Variants in TMEM272 observed in about 807,000 individuals in gnomAD.
The protein encoded by TMEM272 is long intergenic non-protein coding RNA 282.
Under a neutral mutation model 3.7 loss-of-function variants are expected in TMEM272, and 8 were observed. The observed-to-expected ratio is 2.17, with a 90% confidence interval of 1.27 to 3.91. The LOEUF is 3.91. Ranked by LOEUF, TMEM272 falls within the 30% of genes most tolerant of loss-of-function variation. The pLI is 0.00. For missense variants in TMEM272, 166 were observed against 91.5 expected (o/e 1.81, Z -3.32); for synonymous variants, 63 against 39.8 (o/e 1.58, Z -2.20).
the TMEM272 span, among the ~76,000 whole-genome samples, chr13:51,898,380 A>C: frequency 6.6e-6 from 1 of 152,024 alleles, no homozygotes; most frequent in Admixed American, 6.6e-5. Flanking sequence ...TTCTATATCT[A>C]CATGCTTTTC....
At chr13:51,866,447 A>T in the TMEM272 span, among the ~76,000 whole-genome samples, 1 of 152,148 alleles carries the variant, frequency 6.6e-6, no homozygotes, top group African/African-American at 2.4e-5. Flanking sequence ...AGGGACAGAG[A>T]GGAGCTGAGA....
At chr13:51,877,635 TA>T in the TMEM272 span, among the ~76,000 whole-genome samples, 2 of 152,284 alleles carry the variant, frequency 1.3e-5, no homozygotes, top group African/African-American at 4.8e-5. Flanking sequence ...CTGATGTGTC[TA>T]AATTGACAAT....
the TMEM272 span, chr13:51,908,507 C>G: frequency 2.7e-6 from 4 of 1,480,230 alleles, no homozygotes; most frequent in Admixed American, 1.7e-5. Context: ...ACGGGCCCCT[C>G]GTATCCACTG....
the TMEM272 span, among the ~76,000 whole-genome samples, chr13:51,871,788 AC>A: frequency 3.5e-4 from 1 of 2,828 alleles, no homozygotes; most frequent in Non-Finnish European, 1.1e-3. Flanking sequence ...CTCCCCCTAC[AC>A]ACACACACAC....
upstream of TMEM272, among the ~76,000 whole-genome samples, chr13:51,848,385 T>C (rs753772712): frequency 6.6e-5 from 10 of 152,156 alleles, no homozygotes; most frequent in Non-Finnish European, 1.3e-4. Flanking sequence ...CACTCCACTA[T>C]TGCCATATGA....
the TMEM272 span, among the ~76,000 whole-genome samples, chr13:51,862,600 T>C: frequency 1.3e-5 from 2 of 152,040 alleles, no homozygotes; most frequent in African/African-American, 2.4e-5. Flanking sequence ...ATGCCAGACA[T>C]AGAGATGGAA....
chr13:51,909,050 A>C, the TMEM272 span: 1 of 1,480,008 alleles, frequency 6.8e-7, no homozygotes, highest in South Asian at 1.1e-5. Context: ...TTTCAGATGA[A>C]GGCCGACCCA....
chr13:51,882,743 A>G, the TMEM272 span, among the ~76,000 whole-genome samples: 5 of 151,518 alleles, frequency 3.3e-5, no homozygotes, highest in African/African-American at 1.2e-4. Context: ...TAAATATAAT[A>G]AAAATAAATA....
the TMEM272 span, among the ~76,000 whole-genome samples, chr13:51,872,579 A>G: frequency 3.9e-5 from 6 of 152,256 alleles, no homozygotes; most frequent in Non-Finnish European, 8.8e-5. Context: ...GTGGATGAAA[A>G]CAGATCCAAC....
At chr13:51,900,182 C>T in the TMEM272 span, among the ~76,000 whole-genome samples, 1 of 152,018 alleles carries the variant, frequency 6.6e-6, no homozygotes, top group Non-Finnish European at 1.5e-5. Context: ...TGGTTTAAAG[C>T]ACATAATCAA....
the TMEM272 span, chr13:51,908,684 A>T: frequency 6.8e-7 from 1 of 1,475,714 alleles, no homozygotes; most frequent in Non-Finnish European, 9.5e-7. Flanking sequence ...CATCCATTTT[A>T]TCCAAAGAAG....
At chr13:51,872,832 A>C in the TMEM272 span, among the ~76,000 whole-genome samples, 167 of 152,368 alleles carry the variant, frequency 1.1e-3, no homozygotes, top group African/African-American at 3.8e-3. Flanking sequence ...ATGATTTTCA[A>C]CTCCAAGTTT....
chr13:51,853,637 A>G, the TMEM272 span, among the ~76,000 whole-genome samples: 1 of 152,182 alleles, frequency 6.6e-6, no homozygotes, highest in Non-Finnish European at 1.5e-5. Context: ...CAACCATAAT[A>G]TATCCCTAAT....
chr13:51,903,942 C>CATGTGTGTGTGTGTGTGT, the TMEM272 span, among the ~76,000 whole-genome samples: 2 of 136,552 alleles, frequency 1.5e-5, no homozygotes, highest in Non-Finnish European at 3.1e-5. Context: ...CAGTCTTCCA[C>CATGTGTGTGTGTGTGTGT]GTGTGTGTGT....
the TMEM272 span, among the ~76,000 whole-genome samples, chr13:51,884,968 C>T: frequency 6.6e-6 from 1 of 152,182 alleles, no homozygotes; most frequent in Non-Finnish European, 1.5e-5. Flanking sequence ...TGTTTTACCA[C>T]CTACACAACG....
At chr13:51,878,656 C>T in the TMEM272 span, among the ~76,000 whole-genome samples, 2 of 152,118 alleles carry the variant, frequency 1.3e-5, no homozygotes, top group Non-Finnish European at 2.9e-5. Flanking sequence ...AAGTAAGTAA[C>T]TCTCGAATGT....
intron 1 of TMEM272, among the ~76,000 whole-genome samples, chr13:51,840,449 C>T (rs1956251737): frequency 6.6e-6 from 1 of 152,176 alleles, no homozygotes; most frequent in South Asian, 2.1e-4. Flanking sequence ...TTAAAATCTG[C>T]CAAACTTGAG....
intron 2 of TMEM272, among the ~76,000 whole-genome samples, chr13:51,838,039 C>G (rs552103791): frequency 1.3e-5 from 2 of 152,298 alleles, no homozygotes; most frequent in South Asian, 4.1e-4. Flanking sequence ...TATGGTCCAG[C>G]CCCTCTGGAC....
chr13:51,931,755 C>T, the TMEM272 span, among the ~76,000 whole-genome samples: 1 of 152,140 alleles, frequency 6.6e-6, no homozygotes, highest in Admixed American at 6.5e-5. Context: ...TGTACCCAGG[C>T]ATCCGGAAAA....
Sources: gnomAD v4.1 joint callset for allele counts (sites outside exome capture counted in the v4.1 genomes callset) on GRCh38, gnomAD v4.1.1 for gene constraint, MANE v1.5 for transcripts, NCBI Gene and HGNC (gene_info 2026-07-23, HGNC 2026-07-21) for gene names.